Variants in FBLN2 observed in about 807,000 individuals in gnomAD.
The protein encoded by FBLN2 is fibulin-2.
A neutral mutation model predicts 123.7 loss-of-function variants in FBLN2; 81 were observed. The ratio of observed to expected loss-of-function variants is 0.65; its 90% CI spans 0.55 to 0.79. The LOEUF (loss-of-function observed/expected upper bound fraction) is 0.79, where lower values mean the gene tolerates loss of function less well. FBLN2 is among the 30% of genes least tolerant of loss of function. The pLI is 0.00. For missense variants in FBLN2, 1,603 were observed against 1,681.3 expected (o/e 0.95, Z 0.81); for synonymous variants, 699 against 701.4 (o/e 1.00, Z 0.05).
At chr3:13,589,675 A>G (rs922726736) in intron 2 of FBLN2, among the ~76,000 whole-genome samples, 2 of 152,186 alleles carry the variant, frequency 1.3e-5, no homozygotes, top group African/African-American at 4.8e-5. Context: ...ATTCTCTAAT[A>G]TTATCACATA....
intron 2 of FBLN2, among the ~76,000 whole-genome samples, chr3:13,599,049 G>A (rs1704939726): frequency 6.6e-6 from 1 of 152,242 alleles, no homozygotes; most frequent in Non-Finnish European, 1.5e-5. Context: ...AGTCTGGGCT[G>A]TGCTGTGAAG....
chr3:13,617,287 TACCCATTCATCCATCCATTCAGCCCCAC>T (rs1484226657), intron 5 of FBLN2, among the ~76,000 whole-genome samples: 3 of 149,776 alleles, frequency 2.0e-5, no homozygotes, highest in African/African-American at 4.9e-5. Flanking sequence ...CTCTTTCATC[TACCCATTCATCCATCCATTCAGCCCCAC>T]ACCCATTCAT....
chr3:13,558,030 C>A (rs890354026), intron 1 of FBLN2, among the ~76,000 whole-genome samples: 1 of 152,220 alleles, frequency 6.6e-6, no homozygotes, highest in Non-Finnish European at 1.5e-5. Flanking sequence ...TGGTTGTACA[C>A]TGGCCGCCTC....
rs1262740022 is a variant in FBLN2, at chr3:13,549,341, T to G, written c.-42+133T>G. The G allele has an allele frequency of 8.3e-6, 4 of 482,074 alleles. No homozygotes were observed. The African/African-American group carries it at 8.5e-5, about 10-fold the overall frequency. The allele number at this position is 482,074 out of a possible 1,614,324, so 29.9% of individuals were successfully genotyped here. A position where few individuals can be genotyped will look rare whatever the true frequency, so the allele number is the denominator to read the frequency against. ...ACGCGCCTCGCGGGCTGCCCGCGCCTCCACCCGCGCCGCCGGTCCGACCGG... is the reference window on the plus strand; with the variant it reads ...ACGCGCCTCGCGGGCTGCCCGCGCCGCCACCCGCGCCGCCGGTCCGACCGG... On this transcript the variant is annotated intron_variant, in intron 1 of 17. Transcript: ENST00000404922.
intron 2 of FBLN2, among the ~76,000 whole-genome samples, chr3:13,602,559 T>G (rs1705067522): frequency 1.3e-5 from 2 of 152,240 alleles, no homozygotes; most frequent in South Asian, 4.1e-4. Flanking sequence ...TGGTATGTAT[T>G]TTGAATAAAG....
chr3:13,612,771 G>A (rs1705449639), intron 4 of FBLN2, among the ~76,000 whole-genome samples: 1 of 152,168 alleles, frequency 6.6e-6, no homozygotes, highest in Non-Finnish European at 1.5e-5. Context: ...CAGAGATAAT[G>A]CAAACTAAGT....
At chr3:13,562,105 T>C (rs1703625140) in intron 1 of FBLN2, among the ~76,000 whole-genome samples, 1 of 152,198 alleles carries the variant, frequency 6.6e-6, no homozygotes, top group African/African-American at 2.4e-5. Flanking sequence ...TTTTTCCCAG[T>C]GAACTAGATG....
intron 2 of FBLN2, among the ~76,000 whole-genome samples, chr3:13,605,576 C>T (rs570908333): frequency 5.3e-5 from 8 of 152,158 alleles, no homozygotes; most frequent in Non-Finnish European, 1.0e-4. Flanking sequence ...TGTAGCATGG[C>T]CCCAGATTTT....
chr3:13,618,094 C>A lies in FBLN2; in HGVS notation c.1748C>A (p.Ala583Glu). 6.2e-7 allele frequency: 1 copy of A among 1,613,140 alleles called. No individual in the cohort carries two copies. Among genetic ancestry groups the A allele is most frequent in the Non-Finnish European group, 8.5e-7 (1 of 1,179,860 alleles). ...APRRVSEAEMAGREALSLGTE... is the reference protein window; with the variant it reads ...APRRVSEAEMEGREALSLGTE... ...GTCCTAGTTTCAGAGGCAGAGATGG[C>A]GGGCCGAGAGGCCCTGTCACTGGGC... The change falls in exon 6 of 18, where the codon GCG becomes GAG. Residue 583 changes from alanine (A) to glutamate (E), a missense_variant. Ala to Glu is a moderately radical substitution (Grantham distance 107). Coordinates refer to ENST00000404922, the MANE Select transcript of FBLN2 (RefSeq NM_001004019.2).
intron 1 of FBLN2, chr3:13,568,895 G>A: frequency 1.0e-6 from 1 of 985,742 alleles, no homozygotes; most frequent in Non-Finnish European, 1.2e-6. Flanking sequence ...TAAACCCCTG[G>A]TTCCTAGAGG....
chr3:13,598,335 GA>G (rs1319917261), intron 2 of FBLN2, among the ~76,000 whole-genome samples: 1 of 152,222 alleles, frequency 6.6e-6, no homozygotes, highest in Admixed American at 6.5e-5. Context: ...TACAAGCAAG[GA>G]AATGGAGGCT....
chr3:13,627,997 C>A (rs777891669), intron 11 of FBLN2, 28 bp downstream of exon 11: 88 of 1,608,534 alleles, frequency 5.5e-5, no homozygotes, highest in Admixed American at 2.2e-4. Flanking sequence ...GGCTGGGGAT[C>A]ATCAGCCTAG....
chr3:13,593,620 G>A (rs1574967501), intron 2 of FBLN2, among the ~76,000 whole-genome samples: 1 of 150,828 alleles, frequency 6.6e-6, no homozygotes, highest in African/African-American at 2.4e-5. Context: ...AGGCTGAGGC[G>A]GGAGAATTGC....
intron 2 of FBLN2, among the ~76,000 whole-genome samples, chr3:13,584,922 C>T (rs1326955893): frequency 2.0e-5 from 3 of 152,230 alleles, no homozygotes; most frequent in Non-Finnish European, 2.9e-5. Flanking sequence ...GAGCATGGAG[C>T]TCAGGGCACA....
intron 16 of FBLN2, among the ~76,000 whole-genome samples, chr3:13,633,508 C>A (rs1706333980): frequency 6.6e-6 from 1 of 152,256 alleles, no homozygotes; most frequent in Admixed American, 6.5e-5. Flanking sequence ...GCTGCCGGCT[C>A]CCCGGCCTCA....
intron 2 of FBLN2, among the ~76,000 whole-genome samples, chr3:13,604,247 A>C (rs376225301): frequency 4.5e-4 from 69 of 152,068 alleles, no homozygotes; most frequent in African/African-American, 1.6e-3. Flanking sequence ...ATTAGATCCC[A>C]TTTGTCAATT....
At chr3:13,635,440 C>G (rs9838270) in intron 16 of FBLN2, among the ~76,000 whole-genome samples, 1 of 152,026 alleles carries the variant, frequency 6.6e-6, no homozygotes, top group Non-Finnish European at 1.5e-5. Context: ...TCTGAGCTTT[C>G]GTGAATGGTA....
chr3:13,598,142 G>A (rs1704907246), intron 2 of FBLN2, among the ~76,000 whole-genome samples: 1 of 152,218 alleles, frequency 6.6e-6, no homozygotes, highest in African/African-American at 2.4e-5. Flanking sequence ...CTGAAGGGAT[G>A]GTTGCTAATC....
intron 2 of FBLN2, among the ~76,000 whole-genome samples, chr3:13,575,509 A>G (rs1173686543): frequency 2.0e-5 from 3 of 152,100 alleles, no homozygotes; most frequent in African/African-American, 7.2e-5. Context: ...GCCGTCAGAC[A>G]AGATAAGGGG....
Sources: gnomAD v4.1 joint callset for allele counts (sites outside exome capture counted in the v4.1 genomes callset) on GRCh38, gnomAD v4.1.1 for gene constraint, MANE v1.5 for transcripts, NCBI Gene and HGNC (gene_info 2026-07-23, HGNC 2026-07-21) for gene names.